The following SH3RF1 variants were observed in gnomAD, a reference collection of about 807,000 sequenced individuals.
SH3RF1 encodes the protein E3 ubiquitin-protein ligase SH3RF1.
SH3RF1 carries 32 observed loss-of-function variants against 74.0 expected under a neutral mutation model. The observed-to-expected ratio is 0.43, with a 90% CI of 0.33 to 0.58. The LOEUF (loss-of-function observed/expected upper bound fraction) is 0.58, where lower values mean the gene tolerates loss of function less well. SH3RF1 is among the 20% of genes least tolerant of loss of function. The pLI, the probability that SH3RF1 is intolerant of heterozygous loss-of-function variation, is 0.05. For missense variants in SH3RF1, 954 were observed against 1,130.9 expected, an observed-to-expected ratio of 0.84 and a Z score of 2.24; for synonymous variants, 396 against 439.6, an observed-to-expected ratio of 0.90 and a Z score of 1.24.
chr4:169,120,008 T>C (rs1297118799), intron 8 of SH3RF1, among the ~76,000 whole-genome samples: 2 of 152,218 alleles, frequency 1.3e-5, no homozygotes, highest in Non-Finnish European at 2.9e-5. Flanking sequence ...TGTCACTCTA[T>C]AACAGGGTTT....
rs770948336 is a variant in SH3RF1, at chr4:169,177,954, G to C, written c.394-21275C>G. ...GTTCTCTCAGGCAAGATCCTTGAGA[G>C]TAAAAAAGAACTTTTTTTGGTTGGG... On this transcript the variant is annotated intron_variant, in intron 2 of 11. Coordinates refer to ENST00000284637, the MANE Select transcript of SH3RF1 (RefSeq NM_020870.4). 2.1e-4 allele frequency among the ~76,000 whole-genome samples: 32 copies of C among 152,058 alleles called. 1 individual carries two copies. Among genetic ancestry groups the C allele is most frequent in the Non-Finnish European group, 4.7e-4 (32 of 68,004 alleles).
chr4:169,230,999 G>A (rs1003375418), intron 2 of SH3RF1, among the ~76,000 whole-genome samples: 3 of 152,156 alleles, frequency 2.0e-5, no homozygotes, highest in Non-Finnish European at 4.4e-5. Context: ...CTCCTGTGAG[G>A]TGCTAAAATG....
chr4:169,196,553 C>G (rs17054832), intron 2 of SH3RF1, among the ~76,000 whole-genome samples: 1,590 of 152,294 alleles, frequency 0.01, 30 homozygotes, highest in African/African-American at 0.037. Context: ...TTGTTCCCGC[C>G]AGATCTTGTG....
chr4:169,208,221 G>A (rs1730293806), intron 2 of SH3RF1, among the ~76,000 whole-genome samples: 1 of 148,814 alleles, frequency 6.7e-6, no homozygotes, highest in South Asian at 2.1e-4. Context: ...CCCACTGCCT[G>A]ACCCCAAGTA....
chr4:169,251,447 T>G (rs1176052531), intron 2 of SH3RF1, among the ~76,000 whole-genome samples: 1 of 152,128 alleles, frequency 6.6e-6, no homozygotes, highest in East Asian at 1.9e-4. Context: ...CCTCATCCCT[T>G]TTATTATAAC....
chr4:169,158,954 A>G (rs994116108), intron 2 of SH3RF1, among the ~76,000 whole-genome samples: 3 of 152,100 alleles, frequency 2.0e-5, no homozygotes, highest in African/African-American at 7.2e-5. Context: ...AGTCCATGTG[A>G]TGTTGTAGTT....
chr4:169,215,636 T>C (rs1730450107), intron 2 of SH3RF1, among the ~76,000 whole-genome samples: 1 of 152,198 alleles, frequency 6.6e-6, no homozygotes, highest in Non-Finnish European at 1.5e-5. Flanking sequence ...CCTATACAGA[T>C]TGTCTCTTCA....
At chr4:169,222,992 T>C (rs1579147322) in intron 2 of SH3RF1, among the ~76,000 whole-genome samples, 1 of 152,210 alleles carries the variant, frequency 6.6e-6, no homozygotes, top group East Asian at 1.9e-4. Context: ...CCTCGTGGTT[T>C]GCCCAGCTGC....
At chr4:169,131,602 C>G (rs992681735) in intron 5 of SH3RF1, among the ~76,000 whole-genome samples, 6 of 152,228 alleles carry the variant, frequency 3.9e-5, no homozygotes, top group Admixed American at 1.3e-4. Context: ...AAGGCTGTTT[C>G]ACGCTGACTT....
At chr4:169,242,088 T>C (rs1355420465) in intron 2 of SH3RF1, among the ~76,000 whole-genome samples, 3 of 152,208 alleles carry the variant, frequency 2.0e-5, no homozygotes, top group African/African-American at 7.2e-5. Flanking sequence ...GAGGGATCTA[T>C]AAATTCTTAA....
At chr4:169,187,384 G>C (rs1445123779) in intron 2 of SH3RF1, among the ~76,000 whole-genome samples, 3 of 151,902 alleles carry the variant, frequency 2.0e-5, no homozygotes, top group Admixed American at 2.0e-4. Flanking sequence ...GTGGAGATGG[G>C]GTCTCTATAT....
rs185219575 is a variant in SH3RF1, at chr4:169,222,326, A to G, written c.393+46494T>C. Reference sequence around the variant, plus strand: ...TAAAAATACAAAAAATTAGCCAGGCATGGTAGCAGACACCTGTAGTCACAG... The same window carrying G: ...TAAAAATACAAAAAATTAGCCAGGCGTGGTAGCAGACACCTGTAGTCACAG... On this transcript the variant is annotated intron_variant, in intron 2 of 11. Transcript: ENST00000284637. Among the ~76,000 whole-genome samples, 458 of 152,168 alleles carry G rather than the reference A, an allele frequency of 3.0e-3. 2 individuals are homozygous for G. The highest frequency in any genetic ancestry group is 5.6e-3 in the Admixed American group (85 of 15,272).
rs141571299 is a variant in SH3RF1 at position 169,100,331 on chromosome 4, T to C, written c.2499-3644A>G. 1.3e-4 allele frequency among the ~76,000 whole-genome samples: 20 copies of C among 152,240 alleles called. No individual in the cohort carries two copies. The East Asian group carries it at 3.9e-3, about 29-fold the overall frequency. On this transcript the variant is annotated intron_variant, in intron 11 of 11. Transcript: ENST00000284637. ...ATCCTGGTTGATGACTTCATTACCTTCCACCTCGTCAAATATCTTTTTTTT... is the reference window on the plus strand; with the variant it reads ...ATCCTGGTTGATGACTTCATTACCTCCCACCTCGTCAAATATCTTTTTTTT...
chr4:169,102,703 C>T (rs1733060287), intron 11 of SH3RF1, among the ~76,000 whole-genome samples: 1 of 151,734 alleles, frequency 6.6e-6, no homozygotes, highest in Non-Finnish European at 1.5e-5. Flanking sequence ...CATTTTCTGC[C>T]TCCAGGATAT....
chr4:169,167,822 G>C (rs1471543186), intron 2 of SH3RF1, among the ~76,000 whole-genome samples: 1 of 151,854 alleles, frequency 6.6e-6, no homozygotes, highest in African/African-American at 2.4e-5. Context: ...AAACCTACTA[G>C]ATCGTACACT....
At chr4:169,266,501 G>C (rs992772347) in intron 2 of SH3RF1, among the ~76,000 whole-genome samples, 3 of 151,554 alleles carry the variant, frequency 2.0e-5, no homozygotes, top group African/African-American at 7.3e-5. Context: ...GTCTTTTCTA[G>C]AAATGTATTG....
chr4:169,228,519 A>G (rs116366000), intron 2 of SH3RF1, among the ~76,000 whole-genome samples: 3 of 152,054 alleles, frequency 2.0e-5, no homozygotes, highest in African/African-American at 7.3e-5. Context: ...TCATCACATA[A>G]CATCACTCGG....
intron 2 of SH3RF1, among the ~76,000 whole-genome samples, chr4:169,179,705 TTGAG>T (rs1734476623): frequency 2.0e-5 from 3 of 152,170 alleles, no homozygotes; most frequent in Admixed American, 6.5e-5. Flanking sequence ...TGCGCAAACT[TTGAG>T]TAAGTTCAAT....
rs1427061011 is a variant in SH3RF1, at chr4:169,156,436, C to T, written c.637G>A (p.Glu213Lys). ...ALYDFEVKDK[E>K]ADKDCLPFAK... is the part of the protein sequence containing the mutation. ...AATGGAAGGCAATCTTTGTCTGCTTCCTTGTCTTTCACTTCAAAGTCATAA... is the reference window on the plus strand; with the variant it reads ...AATGGAAGGCAATCTTTGTCTGCTTTCTTGTCTTTCACTTCAAAGTCATAA... The change falls in exon 3 of 12, where the codon GAA becomes AAA. Residue 213 changes from glutamate (E) to lysine (K), a missense_variant. Transcript: ENST00000284637. 6.3e-7 allele frequency: 1 copy of T among 1,599,128 alleles called. No individual in the cohort carries two copies.
Sources: allele counts gnomAD v4.1 joint callset (sites outside exome capture counted in the v4.1 genomes callset), GRCh38; gene constraint gnomAD v4.1.1; transcripts MANE v1.5; gene names NCBI Gene and HGNC (gene_info 2026-07-23, HGNC 2026-07-21).